The following AFAP1L1 variants were observed in gnomAD, a reference collection of about 807,000 sequenced individuals.
AFAP1L1 encodes the protein actin filament-associated protein 1-like 1.
Under a neutral mutation model 99.8 loss-of-function variants are expected in AFAP1L1, and 77 were observed. The observed-to-expected ratio is 0.77, with a 90% confidence interval of 0.64 to 0.93. The LOEUF (loss-of-function observed/expected upper bound fraction) is 0.93. Among genes scored for constraint, AFAP1L1 ranks in the 40% least tolerant of loss-of-function variants. The pLI is 0.00. For synonymous variants in AFAP1L1, 373 were observed against 395.3 expected (o/e 0.94, Z 0.67); for missense variants, 893 against 996.8 (o/e 0.90, Z 1.40).
At chr5:149,272,078 G>A (rs1034869284) in intron 1 of AFAP1L1, 94 bp downstream of exon 1, 25 of 1,162,916 alleles carry the variant, frequency 2.1e-5, no homozygotes, top group Non-Finnish European at 2.7e-5. Context: ...GGAGAGAGGC[G>A]GGCGGTGGGG....
intron 1 of AFAP1L1, among the ~76,000 whole-genome samples, chr5:149,299,173 G>C (rs1756106176): frequency 6.6e-6 from 1 of 152,236 alleles, no homozygotes; most frequent in Non-Finnish European, 1.5e-5. Flanking sequence ...GCAAAGCAGA[G>C]GGCAATCTGG....
chr5:149,338,181 CCAGGCACAGTGG>C (rs1757459903), intron 18 of AFAP1L1, among the ~76,000 whole-genome samples: 4 of 152,176 alleles, frequency 2.6e-5, no homozygotes. Flanking sequence ...CATGGCTTGG[CCAGGCACAGTGG>C]CTCACACCTG....
At chr5:149,291,551 GAAA>G (rs1755860751) in intron 1 of AFAP1L1, among the ~76,000 whole-genome samples, 1 of 50,142 alleles carries the variant, frequency 2.0e-5, no homozygotes, top group Non-Finnish European at 3.5e-5. Context: ...AAAAAAAAAA[GAAA>G]GAAAGAAGAG....
intron 5 of AFAP1L1, 70 bp from the exon 6 acceptor site, chr5:149,306,236 C>CT (rs1756406046): frequency 1.5e-6 from 2 of 1,354,030 alleles, no homozygotes; most frequent in Non-Finnish European, 2.0e-6. Flanking sequence ...GTGTCAGGGT[C>CT]TCCCCCAGTC....
rs2127600004 is a variant in AFAP1L1, at chr5:149,320,394, T to C, written c.1629T>C (p.Tyr543=). ...IVSAGRNSFL[Y]ARSCQNQWPE... Reference sequence around the variant, plus strand: ...CATCGTACATTTTATTTTCTAGATATGCAAGATCCTGCCAGAATCAGTGGC... The same window carrying C: ...CATCGTACATTTTATTTTCTAGATACGCAAGATCCTGCCAGAATCAGTGGC... Residue 543 remains tyrosine (Y), a synonymous_variant, in exon 14 of 19, where the codon TAT becomes TAC. Coordinates refer to ENST00000296721, the MANE Select transcript of AFAP1L1 (RefSeq NM_152406.4). The surrounding 1 kb of genome is among the most constrained non-coding windows in gnomAD (Gnocchi z 4.0). 2.5e-6 allele frequency: 4 copies of C among 1,614,130 alleles called. No individual in the cohort carries two copies. The East Asian group carries it at 8.9e-5, about 36-fold the overall frequency.
chr5:149,322,574 G>C (rs370837895), intron 14 of AFAP1L1, 32 bp from the exon 15 acceptor site: 470 of 1,525,448 alleles, frequency 3.1e-4, no homozygotes, highest in Non-Finnish European at 4.0e-4. Context: ...GCGCCTGCCT[G>C]AACTTGACTG....
chr5:149,310,013 A>G lies in AFAP1L1; in HGVS notation c.805A>G (p.Ser269Gly), dbSNP rs752641464. ...TCTGAGGTTGGCACTGGATACCTGC[A>G]GCATCATCTACGTGCCCAAGGACAG... ...PHLRLALDTC[S>G]IIYVPKDSRH... Residue 269 changes from serine to glycine, a missense_variant, in exon 8 of 19, where the codon AGC (serine) becomes GGC (glycine). Transcript: ENST00000296721. 3.1e-6 allele frequency: 5 copies of G among 1,614,254 alleles called. No homozygotes were observed. The highest frequency in any genetic ancestry group is 1.7e-5 in the Admixed American group (1 of 60,032).
chr5:149,320,522 T>C lies in AFAP1L1; in HGVS notation c.1698+59T>C. ...AAAGGCCACTTATTAGCTCTCCCTC[T>C]TTCTGCTCCCTTTACCTTCTGCCTC... On this transcript the variant is annotated intron_variant, in intron 14 of 18. Transcript: ENST00000296721. The surrounding 1 kb of genome is among the most constrained non-coding windows in gnomAD (Gnocchi z 4.0). 1 of 1,478,314 alleles carries C rather than the reference T, an allele frequency of 6.8e-7. No individual in the cohort carries two copies. Among genetic ancestry groups the C allele is most frequent in the Non-Finnish European group, 9.5e-7 (1 of 1,058,148 alleles). 91.6% of individuals were successfully genotyped at this position (1,478,314 alleles called of 1,614,324 possible). A position where few individuals can be genotyped will look rare whatever the true frequency, so the allele number is the denominator to read the frequency against.
chr5:149,322,818 G>A, intron 15 of AFAP1L1, 101 bp downstream of exon 15: 2 of 900,620 alleles, frequency 2.2e-6, no homozygotes, highest in Non-Finnish European at 3.4e-6. Flanking sequence ...GTAAATAAAT[G>A]AGCAAAGTGA....
intron 1 of AFAP1L1, among the ~76,000 whole-genome samples, chr5:149,283,506 T>A (rs931970337): frequency 1.8e-4 from 27 of 152,272 alleles, no homozygotes; most frequent in African/African-American, 6.5e-4. Flanking sequence ...CAAAGATTTT[T>A]TTAAAAAAAA....
At chr5:149,277,437 C>T (rs1255432203) in intron 1 of AFAP1L1, among the ~76,000 whole-genome samples, 1 of 152,208 alleles carries the variant, frequency 6.6e-6, no homozygotes, top group African/African-American at 2.4e-5. Context: ...TGTCCATTGA[C>T]CAGGCAGCCT....
intron 15 of AFAP1L1, 50 bp downstream of exon 15, chr5:149,322,767 G>T (rs1356283849): frequency 6.8e-7 from 1 of 1,473,504 alleles, no homozygotes; most frequent in East Asian, 2.5e-5. Flanking sequence ...AGGAAAGGAA[G>T]CAGTCTATAG....
chr5:149,321,678 A>C (rs1440723359), intron 14 of AFAP1L1, among the ~76,000 whole-genome samples: 1 of 137,706 alleles, frequency 7.3e-6, no homozygotes, highest in Non-Finnish European at 1.5e-5. Flanking sequence ...AGCCAAGATT[A>C]TGCCACTGAA....
At chr5:149,319,880 C>G (rs188821449) in intron 13 of AFAP1L1, among the ~76,000 whole-genome samples, 153 bp downstream of exon 13, 1 of 152,312 alleles carries the variant, frequency 6.6e-6, no homozygotes, top group East Asian at 1.9e-4. Flanking sequence ...TCTTCCTCTT[C>G]CAGCAAAGAG....
At chr5:149,306,183 C>T in intron 5 of AFAP1L1, 123 bp from the exon 6 acceptor site, 1 of 725,958 alleles carries the variant, frequency 1.4e-6, no homozygotes, top group Non-Finnish European at 2.3e-6. Context: ...CTGGCCTGAG[C>T]TGCTCAGAGT....
chr5:149,300,477 T>C (rs542101691), intron 3 of AFAP1L1, 123 bp downstream of exon 3: 16 of 772,168 alleles, frequency 2.1e-5, no homozygotes, highest in African/African-American at 1.9e-4. Flanking sequence ...TTTGGGCCAG[T>C]CCTTGGCCCC....
chr5:149,289,104 C>T (rs777587207), intron 1 of AFAP1L1, among the ~76,000 whole-genome samples: 10 of 152,190 alleles, frequency 6.6e-5, no homozygotes, highest in Admixed American at 4.6e-4. Context: ...TTTCTAAGCC[C>T]CTTCTTACAG....
intron 1 of AFAP1L1, among the ~76,000 whole-genome samples, chr5:149,285,589 A>G (rs1755653382): frequency 6.6e-6 from 1 of 151,638 alleles, no homozygotes; most frequent in Non-Finnish European, 1.5e-5. Context: ...TACTGTACTG[A>G]CTCCTCCCTA....
In AFAP1L1 at chr5:149,316,436, G is replaced by A. The variant is rs912128033; in HGVS notation, c.1267+133G>A. On this transcript the variant is annotated intron_variant, in intron 11 of 18. Transcript: ENST00000296721. ...GGAGGGAATCCAAGCCTACTGGGAGGCTAAGCCCCACTCCATTAACACTCT... is the reference window on the plus strand; with the variant it reads ...GGAGGGAATCCAAGCCTACTGGGAGACTAAGCCCCACTCCATTAACACTCT... The A allele has an allele frequency of 2.7e-6, 3 of 1,108,600 alleles. No individual in the cohort carries two copies. The South Asian group carries it at 4.6e-5, about 17-fold the overall frequency. 68.7% of individuals were successfully genotyped at this position (1,108,600 alleles called of 1,614,324 possible).
Sources: gnomAD v4.1 joint callset for allele counts (sites outside exome capture counted in the v4.1 genomes callset) on GRCh38, gnomAD v4.1.1 for gene constraint, Gnocchi (gnomAD v3.1) non-coding constraint, MANE v1.5 for transcripts, NCBI Gene and HGNC (gene_info 2026-07-23, HGNC 2026-07-21) for gene names.